Variants in BRWD1 observed in about 807,000 individuals in gnomAD.
BRWD1 encodes the protein bromodomain and WD repeat domain containing 1.
Under a neutral mutation model 251.2 loss-of-function variants are expected in BRWD1, and 82 were observed. The ratio of observed to expected loss-of-function variants is 0.33; its 90% CI spans 0.27 to 0.39. The LOEUF (loss-of-function observed/expected upper bound fraction) is 0.39. Ranked by LOEUF, BRWD1 falls within the 10% of genes least tolerant of loss-of-function variation. The probability of loss-of-function intolerance (pLI) is 1.00; values close to 1 mark genes in which losing one functional copy is unlikely to be tolerated. For missense variants in BRWD1, 2,233 were observed against 2,711.6 expected (o/e 0.82, Z 3.92); for synonymous variants, 918 against 902.8 (o/e 1.02, Z -0.30).
chr21:39,299,454 T>C (rs1031144698), intron 4 of BRWD1, among the ~76,000 whole-genome samples: 1 of 152,166 alleles, frequency 6.6e-6, no homozygotes, highest in African/African-American at 2.4e-5. Context: ...GAGCCATAAG[T>C]GGATATACCT....
chr21:39,232,640 T>C, intron 23 of BRWD1, 142 bp from the exon 24 acceptor site: 3 of 881,090 alleles, frequency 3.4e-6, no homozygotes, highest in Non-Finnish European at 5.1e-6. Flanking sequence ...ACACAGCATA[T>C]ATATTTAGTT....
chr21:39,299,213 A>T lies in BRWD1; in HGVS notation c.199-631T>A, dbSNP rs183766666. ...ACTCTAGCCTGGGCAACAAGAAAAA[A>T]ATATATATACATATTACGCTAACTC... On this transcript the variant is annotated intron_variant, in intron 4 of 40. Transcript: ENST00000342449. 3.5e-4 allele frequency among the ~76,000 whole-genome samples: 53 copies of T among 151,056 alleles called. 1 individual carries two copies. The highest frequency in any genetic ancestry group is 1.2e-3 in the African/African-American group (51 of 41,042).
rs150002584 is a variant in BRWD1 at position 39,202,492 on chromosome 21, A to G, written c.4418T>C (p.Val1473Ala). 9.9e-6 allele frequency: 16 copies of G among 1,613,764 alleles called. No homozygotes were observed. The Admixed American group carries it at 1.3e-4, about 13-fold the overall frequency. Residue 1473 changes from valine (V) to alanine (A), a missense_variant, in exon 38 of 41, where the codon GTA becomes GCA. Physicochemically the swap from Val to Ala is moderately conservative, Grantham distance 64. Transcript: ENST00000342449. ...TGAGGTAGACTGGGTAGGAGAACCT[A>G]CCAACTCAGGAATTATTTTTGTCTG... ...KSQTKIIPEL[V>A]GSPTQSTSSR...
intron 20 of BRWD1, 142 bp from the exon 21 acceptor site, chr21:39,247,974 AC>A: frequency 1.0e-6 from 1 of 985,068 alleles, no homozygotes; most frequent in Non-Finnish European, 1.4e-6. Context: ...TTTTTGCCAT[AC>A]AGTTTTAACT....
rs754051583 is a variant in BRWD1 at position 39,293,979 on chromosome 21, T to C, written c.663A>G (p.Leu221=). The C allele has an allele frequency of 5.0e-6, 8 of 1,614,216 alleles. No homozygotes were observed. The highest frequency in any genetic ancestry group is 1.6e-4 in the Middle Eastern group (1 of 6,062). ...CTGCAGAATGACCTCTTAATGTAGA[T>C]AACAAGCGGCCATTATGTGTTGACC... The part of the protein sequence containing the change: ...KIWSTHNGRL[L]STLRGHSAEI... The change falls in exon 8 of 41, where the codon TTA becomes TTG. Residue 221 remains leucine, a synonymous_variant. Transcript: ENST00000342449.
At position 39,298,340 on chromosome 21, in the gene BRWD1, C is replaced by A; in HGVS notation, c.349+92G>T. ...ACAGCATGATTTATAGTTACATTAT[C>A]ACCTTTCTTCCACAATGCTTACATT... On this transcript the variant is annotated intron_variant, in intron 5 of 40. Transcript: ENST00000342449. The A allele has an allele frequency of 2.1e-6, 3 of 1,396,292 alleles. No homozygotes were observed. In the South Asian group the frequency reaches 6.1e-5, roughly 28 times the overall value. 86.5% of individuals were successfully genotyped at this position (1,396,292 alleles called of 1,614,324 possible).
chr21:39,236,587 T>G lies in BRWD1; in HGVS notation c.2766+8A>C. Reference sequence around the variant, plus strand: ...TACATGCTATTTTTAAAGATACGTTTTTCTTACCTCCTTCTTAGGCTTATT... The same window carrying G: ...TACATGCTATTTTTAAAGATACGTTGTTCTTACCTCCTTCTTAGGCTTATT... On this transcript the variant is annotated splice_region_variant and intron_variant, in intron 23 of 40. Transcript: ENST00000342449. 6.3e-7 allele frequency: 1 copy of G among 1,577,500 alleles called. No individual in the cohort carries two copies. The highest frequency in any genetic ancestry group is 8.6e-7 in the Non-Finnish European group (1 of 1,159,444).
intron 34 of BRWD1, among the ~76,000 whole-genome samples, chr21:39,211,172 T>C (rs1368003530): frequency 5.3e-5 from 8 of 152,176 alleles, no homozygotes; most frequent in Admixed American, 5.2e-4. Flanking sequence ...CAAGAGCACA[T>C]TATCTAGTGA....
intron 4 of BRWD1, among the ~76,000 whole-genome samples, chr21:39,312,343 CGCT>C (rs1489374782): frequency 6.6e-6 from 1 of 152,228 alleles, no homozygotes; most frequent in East Asian, 1.9e-4. Flanking sequence ...ATTTTTATGA[CGCT>C]GCTGACAAAA....
chr21:39,229,890 G>A (rs956401616), intron 25 of BRWD1, among the ~76,000 whole-genome samples: 3 of 151,978 alleles, frequency 2.0e-5, no homozygotes, highest in African/African-American at 7.3e-5. Context: ...GGTACAACAT[G>A]CCACCACACC....
At chr21:39,206,928 G>A (rs1317957444) in intron 36 of BRWD1, among the ~76,000 whole-genome samples, 1 of 152,178 alleles carries the variant, frequency 6.6e-6, no homozygotes, top group Admixed American at 6.5e-5. Flanking sequence ...AAGTGCAAAA[G>A]TCTAATGCTC....
Position 39,197,049 on chromosome 21 carries a change from G to A in BRWD1, c.6020C>T (p.Thr2007Ile), listed in dbSNP as rs1184399038. Residue 2007 changes from threonine (T) to isoleucine (I), a missense_variant, in exon 41 of 41, where the codon ACA (threonine) becomes ATA (isoleucine). By Grantham distance (89) the Thr-to-Ile change is moderately conservative. Around this residue, in one of 12 missense-constraint regions of BRWD1, gnomAD observed 928 missense variants for 970.0 expected, o/e 0.96. Transcript: ENST00000342449. ...KPPDPDSEGSTKVLSQALNGD... is the reference protein window; with the variant it reads ...KPPDPDSEGSIKVLSQALNGD... ...ATTTAGAGCCTGACTAAGCACTTTT[G>A]TACTACCTTCGGAGTCAGGATCAGG... is the stretch of plus-strand genomic sequence containing the variant. The A allele has an allele frequency of 3.1e-6, 5 of 1,614,078 alleles. No individual in the cohort carries two copies. The highest frequency in any genetic ancestry group is 4.2e-6 in the Non-Finnish European group (5 of 1,179,958).
Position 39,202,379 on chromosome 21 carries a change from A to G in BRWD1, c.4531T>C (p.Ser1511Pro), listed in dbSNP as rs2183573. 0.59 allele frequency: 954,326 copies of G among 1,612,068 alleles called. 284,746 individuals are homozygous for G. Among genetic ancestry groups the G allele is most frequent in the Admixed American group, 0.72 (43,307 of 59,978 alleles). The change falls in exon 38 of 41, where the codon TCA (serine) becomes CCA (proline). Residue 1511 changes from serine (S) to proline (P), a missense_variant. By Grantham distance (74) the Ser-to-Pro change is moderately conservative. Around this residue, in one of 12 missense-constraint regions of BRWD1, gnomAD observed 928 missense variants for 970.0 expected, o/e 0.96. Transcript: ENST00000342449. ...TSGDSSDSAE[S>P]SERRKRNRPI... The stretch of plus-strand genomic sequence containing the variant: ...CTATTTCTTTTCCTCCTTTCTGATG[A>G]TTCTGCTGAATCTGAAGAGTCACCA...
intron 15 of BRWD1, among the ~76,000 whole-genome samples, chr21:39,268,166 G>C (rs745983547): frequency 6.6e-6 from 1 of 152,042 alleles, no homozygotes. Context: ...TCTCAAAAGC[G>C]CTACTAAAAA....
chr21:39,261,772 GAA>G (rs145517964), intron 17 of BRWD1, among the ~76,000 whole-genome samples: 1 of 134,002 alleles, frequency 7.5e-6, no homozygotes, highest in South Asian at 2.3e-4. Flanking sequence ...TCCCAAAGAA[GAA>G]AAAAAAAAGA....
upstream of BRWD1, among the ~76,000 whole-genome samples, chr21:39,318,533 A>T (rs933302963): frequency 1.3e-5 from 2 of 152,222 alleles, no homozygotes; most frequent in East Asian, 3.8e-4. Context: ...CACAAACTGG[A>T]TCAGCACCTA....
At chr21:39,240,262 G>A (rs1354193314) in intron 21 of BRWD1, among the ~76,000 whole-genome samples, 2 of 152,178 alleles carry the variant, frequency 1.3e-5, no homozygotes, top group African/African-American at 4.8e-5. Flanking sequence ...AACAGATGGA[G>A]CACAGAGGAT....
At chr21:39,309,717 C>A (rs1296855912) in intron 4 of BRWD1, among the ~76,000 whole-genome samples, 2 of 149,734 alleles carry the variant, frequency 1.3e-5, no homozygotes, top group Non-Finnish European at 3.0e-5. Context: ...CCCAGCTACT[C>A]GGGAGGCTGA....
chr21:39,241,315 A>G (rs117558209), intron 21 of BRWD1, among the ~76,000 whole-genome samples: 1,680 of 151,214 alleles, frequency 0.011, 10 homozygotes, highest in Middle Eastern at 0.027. Flanking sequence ...AAAACATAAA[A>G]AAATTAGCCG....
Sources: gnomAD v4.1 joint callset for allele counts (sites outside exome capture counted in the v4.1 genomes callset) on GRCh38, gnomAD v4.1.1 for gene constraint, gnomAD v4.1.1 regional missense constraint, MANE v1.5 for transcripts, NCBI Gene and HGNC (gene_info 2026-07-23, HGNC 2026-07-21) for gene names.